KAZN: variants seen among roughly 807,000 people sequenced by gnomAD.
KAZN encodes kazrin, periplakin interacting protein, also known as kazrin.
Under a neutral mutation model 87.4 loss-of-function variants are expected in KAZN, and 40 were observed. That is an observed-to-expected ratio of 0.46 (90% CI 0.36 to 0.60). The LOEUF is 0.60. KAZN is among the 20% of genes least tolerant of loss of function. The probability of loss-of-function intolerance (pLI) is 0.00; values close to 1 mark genes in which losing one functional copy is unlikely to be tolerated. For missense variants in KAZN, 898 were observed against 1,073.9 expected (o/e 0.84, Z 2.29); for synonymous variants, 466 against 458.3 (o/e 1.02, Z -0.22).
chr1:13,900,754 G>C (rs958735655), intron 1 of KAZN, among the ~76,000 whole-genome samples: 2 of 152,092 alleles, frequency 1.3e-5, no homozygotes, highest in Non-Finnish European at 2.9e-5. Flanking sequence ...TAACCTCTCT[G>C]TGCCACATTT....
At position 15,021,914 on chromosome 1, in the gene KAZN, G is replaced by T. The variant is rs1227171635; in HGVS notation, c.419-12835G>T. On this transcript the variant is annotated intron_variant, in intron 2 of 14. Transcript: ENST00000376030. This position sits in a 1 kb window ranked among gnomAD's most constrained non-coding sequence, Gnocchi z 4.2. ...GTTGGGGAGGCCTCATAATCATGGC[G>T]GAAGGCAAAAGACACTTCTTACATG... Among the ~76,000 whole-genome samples the T allele has an allele frequency of 6.6e-6, 1 of 151,772 alleles. No homozygotes were observed. The highest frequency in any genetic ancestry group is 2.4e-5 in the African/African-American group (1 of 41,294).
chr1:14,206,012 A>T (rs1403045601), intron 2 of KAZN, among the ~76,000 whole-genome samples: 1 of 152,056 alleles, frequency 6.6e-6, no homozygotes, highest in African/African-American at 2.4e-5. Flanking sequence ...CCTAAAACTT[A>T]AAGTATAATA....
chr1:14,952,921 C>T (rs1662671841), intron 1 of KAZN, among the ~76,000 whole-genome samples: 1 of 152,192 alleles, frequency 6.6e-6, no homozygotes. Flanking sequence ...ATGTTTACCG[C>T]AGGCCTGAGA....
intron 1 of KAZN, among the ~76,000 whole-genome samples, chr1:13,955,815 G>A (rs529874525): frequency 2.3e-4 from 35 of 152,288 alleles, no homozygotes; most frequent in African/African-American, 7.9e-4. Context: ...CCAACCTTTA[G>A]GGATAAATGA....
intron 1 of KAZN, among the ~76,000 whole-genome samples, chr1:13,945,384 G>C (rs373495298): frequency 6.6e-6 from 1 of 151,392 alleles, no homozygotes; most frequent in African/African-American, 2.4e-5. Flanking sequence ...TGAGGCAGGA[G>C]AATCACTTGA....
intron 2 of KAZN, among the ~76,000 whole-genome samples, chr1:14,230,687 T>C (rs1647735325): frequency 1.3e-5 from 2 of 152,202 alleles, no homozygotes; most frequent in Admixed American, 1.3e-4. Flanking sequence ...TGTAAGATTA[T>C]AACCTGCCAT....
intron 2 of KAZN, among the ~76,000 whole-genome samples, chr1:14,473,703 C>T (rs1012317673): frequency 5.3e-5 from 8 of 151,884 alleles, no homozygotes; most frequent in Admixed American, 1.3e-4. Flanking sequence ...TCAACCACTT[C>T]TAATCTCATT....
At chr1:14,187,671 C>T (rs1646336832) in intron 2 of KAZN, among the ~76,000 whole-genome samples, 1 of 152,124 alleles carries the variant, frequency 6.6e-6, no homozygotes, top group South Asian at 2.1e-4. Context: ...TGCTAGCATC[C>T]AGTAGGTAGA....
chr1:14,996,132 G>T lies in KAZN; in HGVS notation c.418+35257G>T, dbSNP rs1667840408. Among the ~76,000 whole-genome samples the T allele has an allele frequency of 6.6e-6, 1 of 152,120 alleles. No homozygotes were observed. The highest frequency in any genetic ancestry group is 1.5e-5 in the Non-Finnish European group (1 of 68,038). The stretch of plus-strand genomic sequence containing the variant: ...CGCGAGTGTGCATGTCAGTTTCCAG[G>T]CTATTTTCTCACCGCAGAACTCACT... On this transcript the variant is annotated intron_variant, in intron 2 of 14. Transcript: ENST00000376030. The surrounding 1 kb of genome is among the most constrained non-coding windows in gnomAD (Gnocchi z 5.9).
chr1:14,210,371 C>G (rs1646829770), intron 2 of KAZN, among the ~76,000 whole-genome samples: 1 of 152,266 alleles, frequency 6.6e-6, no homozygotes, highest in African/African-American at 2.4e-5. Flanking sequence ...TCCATTAAAC[C>G]TCTTTTTCTT....
chr1:14,055,517 A>C (rs1642512687), intron 1 of KAZN, among the ~76,000 whole-genome samples: 1 of 152,190 alleles, frequency 6.6e-6, no homozygotes, highest in African/African-American at 2.4e-5. Flanking sequence ...CTTTCCCCTG[A>C]GTCAGGAGGT....
intron 2 of KAZN, among the ~76,000 whole-genome samples, chr1:14,214,483 T>G (rs1646918902): frequency 6.6e-6 from 1 of 152,202 alleles, no homozygotes; most frequent in Admixed American, 6.5e-5. Flanking sequence ...AATCTCAACC[T>G]TCTTACTCTA....
rs551442056 is a variant in KAZN at position 14,917,026 on chromosome 1, C to T, written c.227-43658C>T. On this transcript the variant is annotated intron_variant, in intron 1 of 14. Transcript: ENST00000376030. Reference sequence around the variant, plus strand: ...AATGGCTTGAATGGCCTGTTCTGCCCGAGGACTGGGCTAAGCTCTGCCTCT... The same window carrying T: ...AATGGCTTGAATGGCCTGTTCTGCCTGAGGACTGGGCTAAGCTCTGCCTCT... 2.0e-4 allele frequency among the ~76,000 whole-genome samples: 30 copies of T among 152,250 alleles called. No homozygotes were observed. In the South Asian group the frequency reaches 5.2e-3, roughly 26 times the overall value.
chr1:13,894,914 G>C (rs1638977457), intron 1 of KAZN, among the ~76,000 whole-genome samples: 1 of 152,220 alleles, frequency 6.6e-6, no homozygotes, highest in Admixed American at 6.5e-5. Flanking sequence ...GAGTGGGTGA[G>C]TGAGGGCTCT....
chr1:14,206,846 A>G (rs1646756365), intron 2 of KAZN, among the ~76,000 whole-genome samples: 1 of 152,066 alleles, frequency 6.6e-6, no homozygotes, highest in Non-Finnish European at 1.5e-5. Flanking sequence ...CCATTCTCCT[A>G]TAACCGAGCA....
At chr1:14,694,649 A>T (rs1641499776) in intron 1 of KAZN, among the ~76,000 whole-genome samples, 1 of 152,210 alleles carries the variant, frequency 6.6e-6, no homozygotes, top group South Asian at 2.1e-4. Context: ...ATCTGGAAAT[A>T]GATCATCTGG....
intron 1 of KAZN, among the ~76,000 whole-genome samples, chr1:14,797,052 T>A (rs1400833509): frequency 6.6e-6 from 1 of 152,074 alleles, no homozygotes; most frequent in South Asian, 2.1e-4. Context: ...GGTGCTGGGT[T>A]TTTTTGTTTT....
In KAZN at chr1:14,497,334, CTAAAAA is replaced by C. The variant is rs1230345940; in HGVS notation, c.250-101648_250-101643del. Among the ~76,000 whole-genome samples the C allele has an allele frequency of 3.1e-3, 64 of 20,474 alleles. No homozygotes were observed. In the East Asian group the frequency reaches 0.038, roughly 12 times the overall value. The allele number at this position is 20,474 out of a possible 152,430, so 13.4% of individuals were successfully genotyped here. On this transcript the variant is annotated intron_variant, in intron 2 of 16. Coordinates refer to the KAZN transcript ENST00000636203. Reference sequence around the variant, plus strand: ...TTCTATGCTTTACTTAATTCTGTTACTAAAAAAAAAAAAAAAAAAAAAAAAAAAAGA... The same window carrying C: ...TTCTATGCTTTACTTAATTCTGTTACAAAAAAAAAAAAAAAAAAAAAAAGA...
chr1:14,480,625 A>C (rs1287670940), intron 2 of KAZN, among the ~76,000 whole-genome samples: 2 of 121,038 alleles, frequency 1.7e-5, no homozygotes, highest in African/African-American at 3.0e-5. Flanking sequence ...ATAAAAATAT[A>C]TGTATATATT....
Sources: gnomAD v4.1 joint callset for allele counts (sites outside exome capture counted in the v4.1 genomes callset) on GRCh38, gnomAD v4.1.1 for gene constraint, Gnocchi (gnomAD v3.1) non-coding constraint, MANE v1.5 for transcripts, NCBI Gene and HGNC (gene_info 2026-07-23, HGNC 2026-07-21) for gene names.